Variants in FAM114A2 observed in about 807,000 individuals in gnomAD.
FAM114A2 encodes protein FAM114A2.
In FAM114A2, 53 loss-of-function variants were observed where a neutral mutation model predicts 58.4. That is an observed-to-expected ratio of 0.91 (90% CI 0.73 to 1.14). FAM114A2 has a LOEUF of 1.14. FAM114A2 is among the 50% of genes most tolerant of loss of function. FAM114A2 has a pLI of 0.00. For missense variants in FAM114A2, 601 were observed against 581.1 expected (o/e 1.03, Z -0.35); for synonymous variants, 228 against 211.4 (o/e 1.08, Z -0.68).
At chr5:154,002,217 T>A in intron 11 of FAM114A2, 34 bp downstream of exon 11, 1 of 1,596,100 alleles carries the variant, frequency 6.3e-7, no homozygotes, top group Non-Finnish European at 8.6e-7. Flanking sequence ...CTCCTGCAAT[T>A]TGCATCATTT....
chr5:154,036,519 A>G (rs961509711), intron 1 of FAM114A2: 1 of 152,222 alleles, frequency 6.6e-6, no homozygotes, highest in Non-Finnish European at 1.5e-5. Flanking sequence ...GACCCAACCC[A>G]TGCTATCAAA....
At chr5:154,022,495 C>T (rs374782461) in intron 8 of FAM114A2, among the ~76,000 whole-genome samples, 404 of 152,266 alleles carry the variant, frequency 2.7e-3, no homozygotes, top group African/African-American at 9.2e-3. Context: ...AGATATGTCT[C>T]AAAAGAAGAC....
chr5:154,022,705 A>C (rs1054094123), intron 8 of FAM114A2, among the ~76,000 whole-genome samples: 2 of 152,230 alleles, frequency 1.3e-5, no homozygotes, highest in African/African-American at 4.8e-5. Context: ...AAACTAGTTC[A>C]ACCATTGTGG....
chr5:153,999,509 T>TG (rs1769824931), intron 11 of FAM114A2, among the ~76,000 whole-genome samples: 1 of 151,770 alleles, frequency 6.6e-6, no homozygotes, highest in Non-Finnish European at 1.5e-5. Flanking sequence ...GTGTGCACGC[T>TG]TGTAATCCCA....
intron 11 of FAM114A2, among the ~76,000 whole-genome samples, chr5:153,998,436 A>G (rs1379432193): frequency 6.6e-6 from 1 of 152,228 alleles, no homozygotes; most frequent in African/African-American, 2.4e-5. Flanking sequence ...CCTCATGAAC[A>G]GATTAATGCA....
intron 1 of FAM114A2, among the ~76,000 whole-genome samples, chr5:154,035,624 T>C (rs944024220): frequency 2.6e-5 from 4 of 152,190 alleles, no homozygotes; most frequent in African/African-American, 7.2e-5. Context: ...TTTGGGACTA[T>C]TATAAATAAA....
chr5:153,993,220 T>C, intron 13 of FAM114A2, 110 bp from the exon 14 acceptor site: 1 of 815,366 alleles, frequency 1.2e-6, no homozygotes, highest in Non-Finnish European at 1.8e-6. Flanking sequence ...ACTGAATTCA[T>C]AGCCTGGCAA....
In FAM114A2 at chr5:153,992,797, G is replaced by C. The variant is rs1046255451; in HGVS notation, c.*179C>G. 7.2e-5 allele frequency: 32 copies of C among 445,232 alleles called. No individual in the cohort carries two copies. Among genetic ancestry groups the C allele is most frequent in the Middle Eastern group, 5.8e-4 (1 of 1,736 alleles). The allele number at this position is 445,232 out of a possible 1,614,324, so 27.6% of individuals were successfully genotyped here. ...AATTACAACAACTGGAAAGAATACT[G>C]TGAGAACCTGAATACTTCAATCAAA... On this transcript the variant is annotated 3_prime_UTR_variant, in exon 14 of 14. Coordinates refer to ENST00000351797, the MANE Select transcript of FAM114A2 (RefSeq NM_018691.4).
At chr5:154,028,340 T>A (rs1236974368) in intron 5 of FAM114A2, 57 bp from the exon 6 acceptor site, 1 of 1,203,946 alleles carries the variant, frequency 8.3e-7, no homozygotes, top group African/African-American at 1.5e-5. Flanking sequence ...TTTTTATGCA[T>A]TTTTATTATG....
Position 153,992,873 on chromosome 5 carries a change from T to C in FAM114A2, c.*103A>G. The C allele has an allele frequency of 9.5e-7, 1 of 1,048,394 alleles. No individual in the cohort carries two copies. Among genetic ancestry groups the C allele is most frequent in the Non-Finnish European group, 1.4e-6 (1 of 733,982 alleles). 64.9% of individuals were successfully genotyped at this position (1,048,394 alleles called of 1,614,324 possible). ...TAAACCATCTCTCCTGCCTGAATTTTTATATACTAAAATAACCCCACTCCT... is the reference window on the plus strand; with the variant it reads ...TAAACCATCTCTCCTGCCTGAATTTCTATATACTAAAATAACCCCACTCCT... On this transcript the variant is annotated 3_prime_UTR_variant, in exon 14 of 14. Coordinates refer to ENST00000351797, the MANE Select transcript of FAM114A2 (RefSeq NM_018691.4).
At position 153,990,756 on chromosome 5, in the gene FAM114A2, A is replaced by G. The variant is rs956625551; in HGVS notation, c.*2220T>C. On this transcript the variant is annotated 3_prime_UTR_variant, in exon 14 of 14. Coordinates refer to ENST00000351797, the MANE Select transcript of FAM114A2 (RefSeq NM_018691.4). The stretch of plus-strand genomic sequence containing the variant: ...TGAATTGGAAAGGCATATATTAGTA[A>G]TTAGTGGTAAATCTTAGACACCAAA... 1.3e-5 allele frequency: 2 copies of G among 152,160 alleles called. No individual in the cohort carries two copies. Among genetic ancestry groups the G allele is most frequent in the African/African-American group, 4.8e-5 (2 of 41,454 alleles). 9.4% of individuals were successfully genotyped at this position (152,160 alleles called of 1,614,324 possible).
intron 11 of FAM114A2, among the ~76,000 whole-genome samples, chr5:153,999,689 A>T (rs1769840795): frequency 6.6e-6 from 1 of 152,146 alleles, no homozygotes; most frequent in Non-Finnish European, 1.5e-5. Flanking sequence ...GAATTCTTAT[A>T]CATTGTTAGA....
intron 8 of FAM114A2, among the ~76,000 whole-genome samples, chr5:154,015,944 G>C (rs1771010209): frequency 6.6e-6 from 1 of 151,932 alleles, no homozygotes. Flanking sequence ...CAAACTTAAG[G>C]AAACAACGGA....
intron 8 of FAM114A2, among the ~76,000 whole-genome samples, chr5:154,021,140 C>A (rs1386666827): frequency 2.6e-5 from 4 of 152,250 alleles, no homozygotes; most frequent in Admixed American, 6.5e-5. Flanking sequence ...ATTGATGGAA[C>A]GTATCTCAAA....
chr5:154,002,764 TA>T, intron 10 of FAM114A2, 82 bp downstream of exon 10: 1 of 1,426,642 alleles, frequency 7.0e-7, no homozygotes, highest in African/African-American at 1.4e-5. Context: ...GACAGCAGTG[TA>T]AAAATAGGAG....
rs765339419 is a variant in FAM114A2, at chr5:154,026,481, C to G, written c.831G>C (p.Glu277Asp). 1 of 1,566,510 alleles carries G rather than the reference C, an allele frequency of 6.4e-7. No homozygotes were observed. ...ILNSLSGEEL[E>D]TLKVELEQLK... ...GTTGCTCTAATTCAACTTTTAGAGT[C>G]TCTAATTCTTCTCCACTCAGAGAAT... is the stretch of plus-strand genomic sequence containing the variant. The change falls in exon 8 of 14, where the codon GAG (glutamate) becomes GAC (aspartate). Residue 277 changes from glutamate to aspartate, a missense_variant. Physicochemically the swap from Glu to Asp is conservative, Grantham distance 45. Transcript: ENST00000351797.
chr5:154,019,295 C>CA (rs1379052352), intron 8 of FAM114A2, among the ~76,000 whole-genome samples: 4 of 151,460 alleles, frequency 2.6e-5, no homozygotes, highest in East Asian at 1.9e-4. Flanking sequence ...ACAATAGCTG[C>CA]AAAAAAAATA....
chr5:154,030,944 C>G (rs75138085), intron 4 of FAM114A2, among the ~76,000 whole-genome samples: 6,101 of 152,156 alleles, frequency 0.04, 322 homozygotes, highest in African/African-American at 0.12. Flanking sequence ...TCGGAAGAGT[C>G]AAGCCTTAGC....
At chr5:154,032,566 T>C (rs1374213954) in intron 4 of FAM114A2, among the ~76,000 whole-genome samples, 2 of 152,130 alleles carry the variant, frequency 1.3e-5, no homozygotes, top group Non-Finnish European at 2.9e-5. Flanking sequence ...TGCTGCTACA[T>C]CAAGAACATG....
Sources: gnomAD v4.1 joint callset for allele counts (sites outside exome capture counted in the v4.1 genomes callset) on GRCh38, gnomAD v4.1.1 for gene constraint, MANE v1.5 for transcripts, NCBI Gene and HGNC (gene_info 2026-07-23, HGNC 2026-07-21) for gene names.